Variants in SIPA1L3 observed in about 807,000 individuals in gnomAD.
The protein encoded by SIPA1L3 is signal induced proliferation associated 1 like 3.
A neutral mutation model predicts 150.1 loss-of-function variants in SIPA1L3; 59 were observed. The observed-to-expected ratio is 0.39, with a 90% CI of 0.32 to 0.49. The LOEUF (loss-of-function observed/expected upper bound fraction) is 0.49, where lower values mean the gene tolerates loss of function less well. Ranked by LOEUF, SIPA1L3 falls within the 20% of genes least tolerant of loss-of-function variation. SIPA1L3 has a pLI of 0.86. For missense variants in SIPA1L3, 2,211 were observed against 2,489.5 expected, an observed-to-expected ratio of 0.89 and a Z score of 2.38; for synonymous variants, 1,070 against 1,077.6, an observed-to-expected ratio of 0.99 and a Z score of 0.14.
intron 9 of SIPA1L3, among the ~76,000 whole-genome samples, chr19:38,123,418 C>T (rs527940839): frequency 5.4e-5 from 8 of 149,106 alleles, no homozygotes; most frequent in East Asian, 2.0e-4. Context: ...TGCGGCCTTC[C>T]GCAGTGTTTG....
At chr19:38,196,578 G>A (rs1256918376) in intron 18 of SIPA1L3, among the ~76,000 whole-genome samples, 1 of 150,120 alleles carries the variant, frequency 6.7e-6, no homozygotes, top group East Asian at 2.0e-4. Context: ...CAAGGGCAGA[G>A]CGTGGAGGTC....
chr19:37,907,785 G>A (rs1046367168), intron 1 of SIPA1L3: 5 of 152,268 alleles, frequency 3.3e-5, no homozygotes, highest in Admixed American at 3.3e-4. Flanking sequence ...GAAAAATGAG[G>A]TGAAGATGTT....
Position 38,198,434 on chromosome 19 carries a change from G to A in SIPA1L3, c.4886G>A (p.Arg1629His), listed in dbSNP as rs757341584. Reference protein sequence around the residue: ...SELSLADGRDRPLRRLDPGLM... With the variant: ...SELSLADGRDHPLRRLDPGLM... The stretch of plus-strand genomic sequence containing the variant: ...CTCTCGCTGGCTGATGGGCGGGACC[G>A]CCCCCTGCGGCGCCTGGACCCTGGG... The change falls in exon 19 of 22, where the codon CGC becomes CAC. Residue 1629 changes from arginine to histidine, a missense_variant. Around this residue, in one of 5 missense-constraint regions of SIPA1L3, gnomAD observed 806 missense variants for 870.1 expected, o/e 0.93. Coordinates refer to ENST00000222345, the MANE Select transcript of SIPA1L3 (RefSeq NM_015073.3). 31 of 1,596,320 alleles carry A rather than the reference G, an allele frequency of 1.9e-5. No homozygotes were observed. Among genetic ancestry groups the A allele is most frequent in the East Asian group, 1.4e-4 (6 of 42,660 alleles).
At chr19:38,059,470 AT>A (rs1456451004) in intron 2 of SIPA1L3, among the ~76,000 whole-genome samples, 1 of 151,944 alleles carries the variant, frequency 6.6e-6, no homozygotes, top group East Asian at 1.9e-4. Flanking sequence ...CGCCTAGCTA[AT>A]TTTTGTATTT....
At chr19:38,077,985 T>C (rs904858476) in intron 2 of SIPA1L3, among the ~76,000 whole-genome samples, 1 of 152,166 alleles carries the variant, frequency 6.6e-6, no homozygotes, top group Non-Finnish European at 1.5e-5. Flanking sequence ...TTTTTGCTTT[T>C]CCAATTGGGA....
In SIPA1L3 at chr19:38,193,747, C is replaced by T; in HGVS notation, c.4807C>T (p.Pro1603Ser). ...CCCGCCCGTCGGCCCCGGTGCCACC[C>T]CTGCCGCCGGCAGCGGCTTTCCCGA... ...PHPPVGPGAT[P>S]AAGSGFPEKK... The change falls in exon 18 of 22, where the codon CCT becomes TCT. Residue 1603 changes from proline to serine, a missense_variant. Coordinates refer to ENST00000222345, the MANE Select transcript of SIPA1L3 (RefSeq NM_015073.3). The T allele has an allele frequency of 6.4e-7, 1 of 1,572,790 alleles. No individual in the cohort carries two copies. The highest frequency in any genetic ancestry group is 1.8e-5 in the Admixed American group (1 of 55,816).
chr19:38,148,282 C>T (rs570023548), intron 12 of SIPA1L3, among the ~76,000 whole-genome samples: 2 of 150,138 alleles, frequency 1.3e-5, no homozygotes, highest in East Asian at 3.9e-4. Context: ...ACCCGGGAGG[C>T]GGAGGTTGCA....
intron 2 of SIPA1L3, among the ~76,000 whole-genome samples, chr19:38,031,514 T>C (rs1968653504): frequency 6.6e-6 from 1 of 152,230 alleles, no homozygotes; most frequent in Non-Finnish European, 1.5e-5. Context: ...TCTGATGTTT[T>C]CTCATGACCT....
chr19:38,076,221 A>T (rs1189372982), intron 2 of SIPA1L3, among the ~76,000 whole-genome samples: 3 of 152,150 alleles, frequency 2.0e-5, no homozygotes, highest in African/African-American at 7.2e-5. Context: ...TACATAAAAT[A>T]TATGTACATT....
intron 2 of SIPA1L3, among the ~76,000 whole-genome samples, chr19:38,066,238 G>C (rs1018646752): frequency 3.3e-5 from 5 of 151,874 alleles, no homozygotes; most frequent in Non-Finnish European, 5.9e-5. Context: ...GGCTGGTCTC[G>C]AACTACCACC....
intron 1 of SIPA1L3, among the ~76,000 whole-genome samples, chr19:37,944,751 G>A (rs1345276933): frequency 6.6e-6 from 1 of 152,064 alleles, no homozygotes; most frequent in Non-Finnish European, 1.5e-5. Flanking sequence ...AGGAGTTCGA[G>A]ACCAGCCTGG....
intron 2 of SIPA1L3, among the ~76,000 whole-genome samples, chr19:38,063,039 T>C (rs1367528359): frequency 2.0e-5 from 3 of 152,156 alleles, no homozygotes; most frequent in Non-Finnish European, 2.9e-5. Context: ...CTGAACCCCA[T>C]TGTGAAGCAC....
chr19:38,206,388 C>T lies in SIPA1L3; in HGVS notation c.*148C>T. 1.0e-6 allele frequency: 1 copy of T among 964,108 alleles called. No individual in the cohort carries two copies. The highest frequency in any genetic ancestry group is 1.5e-6 in the Non-Finnish European group (1 of 664,844). 59.7% of individuals were successfully genotyped at this position (964,108 alleles called of 1,614,324 possible). On this transcript the variant is annotated 3_prime_UTR_variant, in exon 22 of 22. Coordinates refer to ENST00000222345, the MANE Select transcript of SIPA1L3 (RefSeq NM_015073.3). ...GGACACGGAAACTCCGATGGCCTCA[C>T]TAGGGCTGTGAGTCAGGGTCAGCGC...
chr19:38,119,198 AAAAC>A (rs1010982869), intron 8 of SIPA1L3, 104 bp from the exon 9 acceptor site: 23 of 1,124,734 alleles, frequency 2.0e-5, no homozygotes, highest in Middle Eastern at 4.0e-4. Flanking sequence ...CTGTCTCGAT[AAAAC>A]AAACAAACAA....
intron 1 of SIPA1L3, among the ~76,000 whole-genome samples, chr19:37,954,010 T>G (rs1407627652): frequency 6.6e-6 from 1 of 152,220 alleles, no homozygotes; most frequent in Admixed American, 6.5e-5. Flanking sequence ...AAATTTGTCT[T>G]ATTTGTGGGA....
chr19:38,154,682 G>C (rs947561739), intron 13 of SIPA1L3, among the ~76,000 whole-genome samples: 3 of 151,780 alleles, frequency 2.0e-5, no homozygotes, highest in Non-Finnish European at 4.4e-5. Context: ...TCCTGACCTT[G>C]TGATCCACCC....
At chr19:38,144,698 G>T (rs58821527) in intron 12 of SIPA1L3, among the ~76,000 whole-genome samples, 1 of 152,208 alleles carries the variant, frequency 6.6e-6, no homozygotes, top group Non-Finnish European at 1.5e-5. Context: ...GCTTTCTGGC[G>T]TGCCAGGAGG....
chr19:38,082,273 G>T lies in SIPA1L3; in HGVS notation c.708G>T (p.Gln236His). The T allele has an allele frequency of 3.1e-6, 5 of 1,600,334 alleles. No homozygotes were observed. The highest frequency in any genetic ancestry group is 4.2e-6 in the Non-Finnish European group (5 of 1,179,692). Residue 236 changes from glutamine (Q) to histidine (H), a missense_variant, in exon 3 of 22, where the codon CAG (glutamine) becomes CAT (histidine). Coordinates refer to ENST00000222345, the MANE Select transcript of SIPA1L3 (RefSeq NM_015073.3). ...AGCAGCCCGACGCCCGAGGGTGCCA[G>T]GCCCTCACCGAGCTCCTCCGGGCAG... ...RSEQPDARGC[Q>H]ALTELLRADP... is the part of the protein sequence containing the mutation.
At chr19:38,016,589 G>A (rs1012987331) in intron 1 of SIPA1L3, among the ~76,000 whole-genome samples, 1 of 152,112 alleles carries the variant, frequency 6.6e-6, no homozygotes, top group Non-Finnish European at 1.5e-5. Flanking sequence ...GCCTCCCAGA[G>A]TCAAGCAATT....
Sources: gnomAD v4.1 joint callset for allele counts (sites outside exome capture counted in the v4.1 genomes callset) on GRCh38, gnomAD v4.1.1 for gene constraint, gnomAD v4.1.1 regional missense constraint, MANE v1.5 for transcripts, NCBI Gene and HGNC (gene_info 2026-07-23, HGNC 2026-07-21) for gene names.